VPS13D: variants seen among roughly 807,000 people sequenced by gnomAD.
VPS13D encodes the protein intermembrane lipid transfer protein VPS13D.
A neutral mutation model predicts 461.9 loss-of-function variants in VPS13D; 187 were observed. The observed-to-expected ratio is 0.40, with a 90% CI of 0.36 to 0.46. VPS13D has a LOEUF of 0.46. VPS13D is among the 20% of genes least tolerant of loss of function. VPS13D has a pLI of 0.60. For missense variants in VPS13D, 4,711 were observed against 5,364.9 expected (o/e 0.88, Z 3.81); for synonymous variants, 1,951 against 1,986.3 (o/e 0.98, Z 0.47).
intron 63 of VPS13D, among the ~76,000 whole-genome samples, chr1:12,408,872 T>C (rs1644688006): frequency 1.3e-5 from 2 of 152,214 alleles, no homozygotes; most frequent in South Asian, 2.1e-4. Context: ...TCTGCCTATT[T>C]CTGTTTTCGT....
chr1:12,297,755 A>G (rs146829977), intron 24 of VPS13D, among the ~76,000 whole-genome samples: 28 of 152,336 alleles, frequency 1.8e-4, no homozygotes, highest in African/African-American at 6.5e-4. Flanking sequence ...ACAGAGTGGA[A>G]AACAAGAAAG....
intron 50 of VPS13D, 49 bp downstream of exon 50, chr1:12,358,650 C>A: frequency 5.0e-6 from 8 of 1,600,180 alleles, no homozygotes; most frequent in Non-Finnish European, 6.8e-6. Context: ...TGGCCGATGA[C>A]CTCAGGCTTG....
chr1:12,283,448 T>C lies in VPS13D; in HGVS notation c.5346T>C (p.Asp1782=), dbSNP rs1247955704. 1 of 1,614,090 alleles carries C rather than the reference T, an allele frequency of 6.2e-7. No homozygotes were observed. Among genetic ancestry groups the C allele is most frequent in the African/African-American group, 1.3e-5 (1 of 74,932 alleles). Residue 1782 remains aspartate (D), a synonymous_variant, in exon 21 of 70, where the codon GAT becomes GAC. Transcript: ENST00000620676. ...KILVGKSKFD[D]SLVHINIFLV... The stretch of plus-strand genomic sequence containing the variant: ...TTGTTGGAAAGAGTAAATTTGATGA[T>C]TCCTTAGTCCACATCAACATATTCT...
At chr1:12,399,671 T>A (rs764022584) in intron 60 of VPS13D, among the ~76,000 whole-genome samples, 30 of 151,392 alleles carry the variant, frequency 2.0e-4, no homozygotes, top group Non-Finnish European at 4.3e-4. Context: ...AATATAAAAT[T>A]AGCCGGGCAT....
chr1:12,467,275 A>T (rs1645497587), intron 67 of VPS13D, among the ~76,000 whole-genome samples: 1 of 152,158 alleles, frequency 6.6e-6, no homozygotes, highest in African/African-American at 2.4e-5. Flanking sequence ...GGGTTCAAGC[A>T]GTTCTCCTGC....
rs928814565 is a variant in VPS13D, at chr1:12,506,782, C to T, written c.12795-71C>T. Reference sequence around the variant, plus strand: ...ACTCAGGCCCTGGGGCCACAGAGCCCGCAGTGGGCCTCCCCCTGATGCTGG... The same window carrying T: ...ACTCAGGCCCTGGGGCCACAGAGCCTGCAGTGGGCCTCCCCCTGATGCTGG... On this transcript the variant is annotated intron_variant, in intron 68 of 69. Transcript: ENST00000620676. The T allele has an allele frequency of 4.0e-5, 63 of 1,565,188 alleles. No individual in the cohort carries two copies. The African/African-American group carries it at 6.9e-4, about 17-fold the overall frequency.
intron 60 of VPS13D, among the ~76,000 whole-genome samples, chr1:12,395,092 A>G (rs902410433): frequency 6.6e-6 from 1 of 151,614 alleles, no homozygotes; most frequent in Non-Finnish European, 1.5e-5. Flanking sequence ...AGAAGCAAAC[A>G]GGGGTGTTGG....
At chr1:12,308,692 C>T (rs1343009098) in intron 27 of VPS13D, 51 bp downstream of exon 27, 2 of 1,575,336 alleles carry the variant, frequency 1.3e-6, no homozygotes, top group Admixed American at 3.4e-5. Flanking sequence ...GTTCACCAGG[C>T]AGGGTGGAGT....
intron 41 of VPS13D, among the ~76,000 whole-genome samples, chr1:12,342,479 A>T (rs1220967979): frequency 6.6e-6 from 1 of 152,220 alleles, no homozygotes; most frequent in African/African-American, 2.4e-5. Context: ...AGTGCATGGC[A>T]TGAGTAACAG....
intron 67 of VPS13D, among the ~76,000 whole-genome samples, chr1:12,468,575 G>A (rs1163203610): frequency 1.3e-5 from 2 of 152,204 alleles, no homozygotes; most frequent in South Asian, 4.1e-4. Flanking sequence ...AGGAAAGATA[G>A]GTGTGGGTGT....
intron 58 of VPS13D, 140 bp downstream of exon 58, chr1:12,383,295 A>C (rs1173839761): frequency 5.8e-5 from 52 of 889,616 alleles, no homozygotes; most frequent in Non-Finnish European, 7.9e-5. Context: ...TGGGGATAGG[A>C]TCTACCTCAC....
In VPS13D at chr1:12,382,957, C is replaced by G; in HGVS notation, c.11191-19C>G. 1.2e-6 allele frequency: 2 copies of G among 1,607,094 alleles called. No individual in the cohort carries two copies. Among genetic ancestry groups the G allele is most frequent in the Non-Finnish European group, 1.7e-6 (2 of 1,177,384 alleles). Reference sequence around the variant, plus strand: ...TGCCTCTGTCTTTTCTCACATGTCTCTACTCCAATGTCTTTTAGGCCAAAG... The same window carrying G: ...TGCCTCTGTCTTTTCTCACATGTCTGTACTCCAATGTCTTTTAGGCCAAAG... On this transcript the variant is annotated intron_variant, in intron 57 of 69. Coordinates refer to ENST00000620676, the MANE Select transcript of VPS13D (RefSeq NM_015378.4).
intron 60 of VPS13D, among the ~76,000 whole-genome samples, chr1:12,393,601 T>A (rs1644456899): frequency 6.6e-6 from 1 of 152,224 alleles, no homozygotes; most frequent in African/African-American, 2.4e-5. Flanking sequence ...AATGGAAGAG[T>A]TGAACAAGGA....
At chr1:12,256,552 T>C (rs1251891720) in intron 8 of VPS13D, 49 bp downstream of exon 8, 7 of 1,595,084 alleles carry the variant, frequency 4.4e-6, no homozygotes, top group Non-Finnish European at 6.0e-6. Context: ...AACTGGTGAC[T>C]GCAGTGAAAG....
At chr1:12,358,391 C>T in intron 49 of VPS13D, 68 bp from the exon 50 acceptor site, 2 of 1,583,114 alleles carry the variant, frequency 1.3e-6, no homozygotes, top group South Asian at 2.4e-5. Flanking sequence ...TAGTGTTTCC[C>T]AATTAGAACA....
At chr1:12,494,221 G>T (rs1341723633) in intron 67 of VPS13D, among the ~76,000 whole-genome samples, 1 of 152,184 alleles carries the variant, frequency 6.6e-6, no homozygotes, top group African/African-American at 2.4e-5. Context: ...ATAGTTTGTG[G>T]CCTGTTGTGA....
chr1:12,250,585 A>C (rs2101235660), intron 6 of VPS13D, among the ~76,000 whole-genome samples: 1 of 152,376 alleles, frequency 6.6e-6, no homozygotes, highest in Non-Finnish European at 1.5e-5. Context: ...TGTAAAAACC[A>C]ACAATAACAG....
intron 55 of VPS13D, among the ~76,000 whole-genome samples, chr1:12,377,820 C>CAAA (rs1193875764): frequency 2.7e-4 from 21 of 77,030 alleles, no homozygotes; most frequent in Admixed American, 7.0e-4. Flanking sequence ...AACTCCATCC[C>CAAA]AAAAAAAAAA....
chr1:12,260,858 T>C, intron 11 of VPS13D, 64 bp downstream of exon 11: 1 of 1,610,524 alleles, frequency 6.2e-7, no homozygotes, highest in Non-Finnish European at 8.5e-7. Flanking sequence ...ACAGTTTTGA[T>C]GTGCTTGTGC....
Sources: gnomAD v4.1 joint callset for allele counts (sites outside exome capture counted in the v4.1 genomes callset) on GRCh38, gnomAD v4.1.1 for gene constraint, MANE v1.5 for transcripts, NCBI Gene and HGNC (gene_info 2026-07-23, HGNC 2026-07-21) for gene names.